The following MTHFD1L variants were observed in gnomAD, a reference collection of about 807,000 sequenced individuals.
MTHFD1L encodes the protein monofunctional C1-tetrahydrofolate synthase, mitochondrial.
In MTHFD1L, 81 loss-of-function variants were observed where a neutral mutation model predicts 119.5. The ratio of observed to expected loss-of-function variants is 0.68; its 90% CI spans 0.57 to 0.82. The LOEUF (loss-of-function observed/expected upper bound fraction) is 0.82, where lower values mean the gene tolerates loss of function less well. MTHFD1L is among the 40% of genes least tolerant of loss of function. The pLI is 0.00. For missense variants in MTHFD1L, 1,125 were observed against 1,253.4 expected, an observed-to-expected ratio of 0.90 and a Z score of 1.55; for synonymous variants, 430 against 475.2, an observed-to-expected ratio of 0.90 and a Z score of 1.24.
intron 20 of MTHFD1L, among the ~76,000 whole-genome samples, chr6:150,975,961 G>A (rs1583902724): frequency 6.6e-6 from 1 of 152,314 alleles, no homozygotes; most frequent in African/African-American, 2.4e-5. Context: ...AAGCGGGGAC[G>A]CCAAGGCGGG....
rs1312619208 is a variant in MTHFD1L, at chr6:151,052,830, C to A, written c.2847+15713C>A. ...CAAAACTTCCAGCTGTTTTCCCCTA[C>A]CCAAAATGTGTGAGCCTGAGCCCAG... On this transcript the variant is annotated intron_variant, in intron 26 of 27. Transcript: ENST00000367321. 2.0e-5 allele frequency among the ~76,000 whole-genome samples: 3 copies of A among 152,188 alleles called. No homozygotes were observed. In the East Asian group the frequency reaches 5.8e-4, roughly 29 times the overall value.
intron 27 of MTHFD1L, among the ~76,000 whole-genome samples, chr6:151,095,712 C>T (rs1464312038): frequency 6.6e-6 from 1 of 152,244 alleles, no homozygotes; most frequent in Non-Finnish European, 1.5e-5. Flanking sequence ...GTGGTCACAG[C>T]ACCTCTGGAG....
In MTHFD1L at chr6:150,908,336, C is replaced by T. The variant is rs930017609; in HGVS notation, c.892+2575C>T. ...ATTTGTCTCCCACTTAAAGATGGGGCTGATGGCCAGGCACAGTGGCTCACG... is the reference window on the plus strand; with the variant it reads ...ATTTGTCTCCCACTTAAAGATGGGGTTGATGGCCAGGCACAGTGGCTCACG... On this transcript the variant is annotated intron_variant, in intron 8 of 27. Transcript: ENST00000367321. 1.8e-4 allele frequency among the ~76,000 whole-genome samples: 27 copies of T among 151,746 alleles called. 1 individual carries two copies. Among genetic ancestry groups the T allele is most frequent in the Admixed American group, 1.2e-3 (19 of 15,250 alleles).
At chr6:151,067,450 T>G (rs1161229735) in intron 26 of MTHFD1L, among the ~76,000 whole-genome samples, 1 of 151,784 alleles carries the variant, frequency 6.6e-6, no homozygotes, top group African/African-American at 2.4e-5. Flanking sequence ...CAGCCTCCTG[T>G]GTAGCTGGGA....
intron 20 of MTHFD1L, among the ~76,000 whole-genome samples, chr6:150,997,763 C>T (rs115763088): frequency 1.6e-3 from 249 of 152,230 alleles, no homozygotes; most frequent in African/African-American, 5.7e-3. Flanking sequence ...TGCACTCCAG[C>T]CTGTCTCAAA....
intron 19 of MTHFD1L, among the ~76,000 whole-genome samples, chr6:150,966,456 T>C (rs1797227581): frequency 6.6e-6 from 1 of 152,068 alleles, no homozygotes; most frequent in Non-Finnish European, 1.5e-5. Flanking sequence ...TCCTCCAACA[T>C]TGAAGGTTAT....
rs139123088 is a variant in MTHFD1L at position 150,917,421 on chromosome 6, T to C, written c.893-1156T>C. On this transcript the variant is annotated intron_variant, in intron 8 of 27. Coordinates refer to ENST00000367321, the MANE Select transcript of MTHFD1L (RefSeq NM_015440.5). The stretch of plus-strand genomic sequence containing the variant: ...GCCGTAATCCCAGCTGCTAATAAGG[T>C]GGAGGTTGCGGTGAGCTGAGATCGT... 1.6e-3 allele frequency among the ~76,000 whole-genome samples: 240 copies of C among 151,620 alleles called. 1 individual carries two copies. Among genetic ancestry groups the C allele is most frequent in the African/African-American group, 5.5e-3 (226 of 41,326 alleles).
intron 1 of MTHFD1L, among the ~76,000 whole-genome samples, chr6:150,875,512 G>A (rs1780295954): frequency 6.6e-6 from 1 of 152,064 alleles, no homozygotes; most frequent in South Asian, 2.1e-4. Flanking sequence ...AGGAGGCTTT[G>A]ATAGTGTTAT....
chr6:150,957,605 A>T (rs1795827807), intron 17 of MTHFD1L, among the ~76,000 whole-genome samples: 1 of 152,180 alleles, frequency 6.6e-6, no homozygotes, highest in Admixed American at 6.5e-5. Context: ...AATTGGAAAC[A>T]ATCCAAATGT....
At chr6:150,920,347 A>G (rs926299477) in intron 9 of MTHFD1L, among the ~76,000 whole-genome samples, 14 of 152,292 alleles carry the variant, frequency 9.2e-5, no homozygotes, top group South Asian at 4.1e-4. Flanking sequence ...GTTCCACCAT[A>G]TAAGCTGAGT....
chr6:151,023,213 A>G (rs765810120), intron 24 of MTHFD1L, among the ~76,000 whole-genome samples: 19 of 151,692 alleles, frequency 1.3e-4, no homozygotes, highest in Non-Finnish European at 2.2e-4. Context: ...TGCCCAGCAA[A>G]TTTTTGTATT....
intron 9 of MTHFD1L, among the ~76,000 whole-genome samples, chr6:150,920,574 A>C (rs1788726938): frequency 6.6e-6 from 1 of 152,218 alleles, no homozygotes; most frequent in Admixed American, 6.5e-5. Flanking sequence ...ATGCATACAT[A>C]ACACTACTCA....
rs563999444 is a variant in MTHFD1L at position 150,911,963 on chromosome 6, C to T, written c.892+6202C>T. 2.6e-5 allele frequency among the ~76,000 whole-genome samples: 4 copies of T among 152,216 alleles called. No individual in the cohort carries two copies. The East Asian group carries it at 5.8e-4, about 22-fold the overall frequency. ...ACAACACGTGGGAATTATGGGAGTA[C>T]AATTCAAGATGAGATTTGGGTGGGG... On this transcript the variant is annotated intron_variant, in intron 8 of 27. Transcript: ENST00000367321.
At chr6:150,951,848 G>A (rs947907482) in intron 16 of MTHFD1L, among the ~76,000 whole-genome samples, 6 of 151,434 alleles carry the variant, frequency 4.0e-5, no homozygotes, top group Non-Finnish European at 8.8e-5. Context: ...CTTTTTTGGA[G>A]GTTTACTGAT....
At chr6:151,085,360 C>A (rs749033674) in intron 26 of MTHFD1L, among the ~76,000 whole-genome samples, 5 of 152,148 alleles carry the variant, frequency 3.3e-5, no homozygotes, top group South Asian at 2.1e-4. Flanking sequence ...AGTACTGTCA[C>A]AATATGCAAA....
intron 2 of MTHFD1L, 36 bp from the exon 3 acceptor site, chr6:150,877,598 A>G (rs2128744971): frequency 6.2e-7 from 1 of 1,610,680 alleles, no homozygotes; most frequent in East Asian, 2.2e-5. Flanking sequence ...TTTTCAAGCT[A>G]TTTTTATGTT....
chr6:150,913,769 T>C (rs1258502419), intron 8 of MTHFD1L, among the ~76,000 whole-genome samples: 2 of 152,114 alleles, frequency 1.3e-5, no homozygotes, highest in African/African-American at 4.8e-5. Flanking sequence ...CTAAGTGGGC[T>C]GATTGCTTGA....
rs148428873 is a variant in MTHFD1L at position 151,079,741 on chromosome 6, G to A, written c.2848-12726G>A. Among the ~76,000 whole-genome samples, 466 of 151,634 alleles carry A rather than the reference G, an allele frequency of 3.1e-3. 1 individual carries two copies. Among genetic ancestry groups the A allele is most frequent in the African/African-American group, 0.01 (434 of 41,358 alleles). On this transcript the variant is annotated intron_variant, in intron 26 of 27. Transcript: ENST00000367321. ...CGACCTCATGTGATCTGCCCACCTCGGCCTCCCAAAGTGCTGGGATTACAG... is the reference window on the plus strand; with the variant it reads ...CGACCTCATGTGATCTGCCCACCTCAGCCTCCCAAAGTGCTGGGATTACAG...
chr6:150,972,031 A>G lies in MTHFD1L; in HGVS notation c.2098A>G (p.Lys700Glu). The G allele has an allele frequency of 2.5e-6, 4 of 1,614,172 alleles. No individual in the cohort carries two copies. Among genetic ancestry groups the G allele is most frequent in the Non-Finnish European group, 3.4e-6 (4 of 1,180,020 alleles). ...AGTGTTGGCTGATAAAATTGCCCTG[A>G]AACTGGTTGGTGAAGAAGGATTTGT... Reference protein sequence around the residue: ...SSVLADKIALKLVGEEGFVVT... With the variant: ...SSVLADKIALELVGEEGFVVT... Residue 700 changes from lysine (K) to glutamate (E), a missense_variant, in exon 20 of 28, where the codon AAA (lysine) becomes GAA (glutamate). This residue lies in a region of MTHFD1L where 1,058 missense variants were observed against 1,151.2 expected (regional missense o/e 0.92). Transcript: ENST00000367321.
Sources: allele counts gnomAD v4.1 joint callset (sites outside exome capture counted in the v4.1 genomes callset), GRCh38; gene constraint gnomAD v4.1.1; regional missense constraint gnomAD v4.1.1; transcripts MANE v1.5; gene names NCBI Gene and HGNC (gene_info 2026-07-23, HGNC 2026-07-21).